The following HTT variants were observed in gnomAD, a reference collection of about 807,000 sequenced individuals.
The protein encoded by HTT is huntingtin.
Under a neutral mutation model 362.3 loss-of-function variants are expected in HTT, and 104 were observed. The ratio of observed to expected loss-of-function variants is 0.29; its 90% CI spans 0.24 to 0.34. The LOEUF is 0.34. Ranked by LOEUF, HTT falls within the 10% of genes least tolerant of loss-of-function variation. HTT has a pLI of 1.00. For synonymous variants in HTT, 1,577 were observed against 1,548.7 expected, an observed-to-expected ratio of 1.02 and a Z score of -0.43; for missense variants, 3,301 against 3,928.6, an observed-to-expected ratio of 0.84 and a Z score of 4.27.
intron 26 of HTT, among the ~76,000 whole-genome samples, chr4:3,151,049 CAAAACAAAAA>C (rs1036477430): frequency 6.6e-5 from 9 of 135,418 alleles, no homozygotes; most frequent in Non-Finnish European, 1.4e-4. Flanking sequence ...AAAAACAAAA[CAAAACAAAAA>C]AAAAAAAAAC....
chr4:3,123,300 A>G (rs1715374831), intron 10 of HTT: 1 of 179,416 alleles, frequency 5.6e-6, no homozygotes, highest in Non-Finnish European at 1.2e-5. Context: ...TGTGACAGGA[A>G]TGCAGTTGTA....
At chr4:3,152,336 G>A (rs187790936) in intron 26 of HTT, among the ~76,000 whole-genome samples, 1 of 152,314 alleles carries the variant, frequency 6.6e-6, no homozygotes, top group African/African-American at 2.4e-5. Context: ...GTGACCTCGT[G>A]ATTAGCCCGC....
At chr4:3,230,712 G>C (rs1721210433) in intron 60 of HTT, among the ~76,000 whole-genome samples, 2 of 152,138 alleles carry the variant, frequency 1.3e-5, no homozygotes, top group African/African-American at 4.8e-5. Context: ...CTGCTTCATA[G>C]ATGGCATCTT....
intron 16 of HTT, 88 bp downstream of exon 16, chr4:3,131,863 G>A: frequency 1.5e-6 from 2 of 1,324,122 alleles, no homozygotes; most frequent in Non-Finnish European, 2.1e-6. Context: ...TTTTAGAGCA[G>A]TAAGTGTTTT....
At chr4:3,186,996 C>T (rs1275137709) in intron 38 of HTT, among the ~76,000 whole-genome samples, 2 of 151,592 alleles carry the variant, frequency 1.3e-5, no homozygotes, top group African/African-American at 4.8e-5. Context: ...GTTGCTGGGA[C>T]TACAAGCGCC....
chr4:3,076,271 G>A (rs1412507138), intron 1 of HTT, among the ~76,000 whole-genome samples: 1 of 152,190 alleles, frequency 6.6e-6, no homozygotes, highest in Non-Finnish European at 1.5e-5. Flanking sequence ...GAGTTAGGAA[G>A]TACTCTGGTG....
At chr4:3,115,467 G>A in intron 7 of HTT, 22 bp downstream of exon 7, 1 of 1,582,184 alleles carries the variant, frequency 6.3e-7, no homozygotes, top group East Asian at 2.2e-5. Context: ...GCATATGAGT[G>A]GAAGAGTCTC....
chr4:3,134,242 TAATC>T (rs1303740168), intron 18 of HTT, among the ~76,000 whole-genome samples, 155 bp from the exon 19 acceptor site: 1 of 152,242 alleles, frequency 6.6e-6, no homozygotes, highest in African/African-American at 2.4e-5. Flanking sequence ...AAAGTATTCT[TAATC>T]AATGTTCTTG....
intron 1 of HTT, among the ~76,000 whole-genome samples, chr4:3,075,648 A>AGG (rs368641776): frequency 0.029 from 1,578 of 54,004 alleles, 17 homozygotes; most frequent in South Asian, 0.078. Flanking sequence ...GTGGCGGGGC[A>AGG]GGGGGGGGGC....
chr4:3,118,042 A>G (rs1339860481), intron 8 of HTT, among the ~76,000 whole-genome samples: 1 of 151,898 alleles, frequency 6.6e-6, no homozygotes, highest in Non-Finnish European at 1.5e-5. Flanking sequence ...TTTCCCTTAG[A>G]GTTCATTTAT....
chr4:3,215,086 C>T, intron 50 of HTT, 24 bp from the exon 51 acceptor site: 1 of 1,564,604 alleles, frequency 6.4e-7, no homozygotes, highest in Non-Finnish European at 8.8e-7. Flanking sequence ...AGAAATTCTT[C>T]TCTTTGTTCT....
chr4:3,086,643 C>A (rs1713223873), intron 1 of HTT, among the ~76,000 whole-genome samples: 1 of 152,132 alleles, frequency 6.6e-6, no homozygotes, highest in Admixed American at 6.6e-5. Flanking sequence ...CGTACTCCAG[C>A]CTGGGCAGCA....
Position 3,074,926 on chromosome 4 carries a change from AGCAGCAG to A in HTT, c.102_108del (p.Gln34HisfsTer65). 1 of 1,464,922 alleles carries A rather than the reference AGCAGCAG, an allele frequency of 6.8e-7. No homozygotes were observed. The allele number at this position is 1,464,922 out of a possible 1,614,324, so 90.7% of individuals were successfully genotyped here. On this transcript the variant is annotated frameshift_variant, in exon 1 of 67. Coordinates refer to ENST00000355072, the MANE Select transcript of HTT (RefSeq NM_001388492.1). LOFTEE classifies it high-confidence loss of function. ...CAGCAGCAGCAGCAGCAGCAGCAGC[AGCAGCAG>A]CAACAGCCGCCACCGCCGCCGCCGC...
At chr4:3,076,464 G>C (rs1211231565) in intron 1 of HTT, among the ~76,000 whole-genome samples, 1 of 152,224 alleles carries the variant, frequency 6.6e-6, no homozygotes, top group Admixed American at 6.5e-5. Context: ...TCGGAGAGCA[G>C]TGTTAGCTTA....
In HTT at chr4:3,243,074, C is replaced by T. The variant is rs2110312527; in HGVS notation, c.*3015C>T. 1 of 152,734 alleles carries T rather than the reference C, an allele frequency of 6.5e-6. No individual in the cohort carries two copies. The highest frequency in any genetic ancestry group is 2.1e-4 in the South Asian group (1 of 4,822). 9.5% of individuals were successfully genotyped at this position (152,734 alleles called of 1,614,324 possible). On this transcript the variant is annotated 3_prime_UTR_variant, in exon 67 of 67. Transcript: ENST00000355072. The stretch of plus-strand genomic sequence containing the variant: ...CCCATCTTCATGGAGGGGGTCATTT[C>T]AGAGCCCTCGGAGCCAATGAACAGC...
At chr4:3,193,735 T>A (rs898585571) in intron 40 of HTT, among the ~76,000 whole-genome samples, 3 of 152,236 alleles carry the variant, frequency 2.0e-5, no homozygotes, top group Non-Finnish European at 4.4e-5. Context: ...ATTGGATAGC[T>A]TAATTTATAA....
chr4:3,201,108 A>G (rs1007059739), intron 41 of HTT, among the ~76,000 whole-genome samples: 2 of 152,272 alleles, frequency 1.3e-5, no homozygotes, highest in Non-Finnish European at 2.9e-5. Context: ...GTCTTCATTC[A>G]GCCCTCTGAG....
chr4:3,169,888 A>G (rs1411548569), intron 29 of HTT, among the ~76,000 whole-genome samples: 1 of 152,202 alleles, frequency 6.6e-6, no homozygotes, highest in Non-Finnish European at 1.5e-5. Context: ...TTCAGTGTAT[A>G]TCACTAATTT....
intron 41 of HTT, among the ~76,000 whole-genome samples, chr4:3,202,169 T>A (rs1414081865): frequency 6.6e-6 from 1 of 152,208 alleles, no homozygotes; most frequent in East Asian, 1.9e-4. Context: ...GTGGGTGTGT[T>A]GTGGTACACA....
Sources: allele counts gnomAD v4.1 joint callset (sites outside exome capture counted in the v4.1 genomes callset), GRCh38; gene constraint gnomAD v4.1.1; transcripts MANE v1.5; gene names NCBI Gene and HGNC (gene_info 2026-07-23, HGNC 2026-07-21).